The following KCNQ1 variants were observed in gnomAD, a reference collection of about 807,000 sequenced individuals.
The protein encoded by KCNQ1 is potassium voltage-gated channel subfamily Q member 1, also known as potassium voltage-gated channel subfamily KQT member 1.
Under a neutral mutation model 72.4 loss-of-function variants are expected in KCNQ1, and 49 were observed. The ratio of observed to expected loss-of-function variants is 0.68; its 90% CI spans 0.54 to 0.86. The LOEUF (loss-of-function observed/expected upper bound fraction) is 0.86, where lower values mean the gene tolerates loss of function less well. Among genes scored for constraint, KCNQ1 ranks in the 40% least tolerant of loss-of-function variants. The pLI is 0.00. For synonymous variants in KCNQ1, 450 were observed against 412.6 expected, an observed-to-expected ratio of 1.09 and a Z score of -1.10; for missense variants, 790 against 945.1, an observed-to-expected ratio of 0.84 and a Z score of 2.15.
chr11:2,605,165 G>C (rs1848862058), intron 10 of KCNQ1, among the ~76,000 whole-genome samples: 1 of 151,984 alleles, frequency 6.6e-6, no homozygotes, highest in African/African-American at 2.4e-5. Context: ...TGAGTTGAAG[G>C]AGTTATTTAT....
intron 1 of KCNQ1, among the ~76,000 whole-genome samples, chr11:2,502,769 A>C (rs1331346054): frequency 6.6e-6 from 1 of 152,234 alleles, no homozygotes. Context: ...GGAGCACATT[A>C]CCTGAGTTCA....
chr11:2,692,915 T>C (rs1189292899), intron 11 of KCNQ1: 8 of 398,580 alleles, frequency 2.0e-5, no homozygotes, highest in Middle Eastern at 6.2e-4. Flanking sequence ...AACTGTAGCA[T>C]GGCCTATGTC....
intron 1 of KCNQ1, among the ~76,000 whole-genome samples, chr11:2,513,107 G>A (rs1021486857): frequency 1.3e-5 from 2 of 152,060 alleles, no homozygotes; most frequent in South Asian, 2.1e-4. Flanking sequence ...GCTGTGCTGC[G>A]CTCTGGGCCA....
rs1183715816 is a variant in KCNQ1, at chr11:2,815,770, C to A, written c.1795-31997C>A. Among the ~76,000 whole-genome samples the A allele has an allele frequency of 6.6e-6, 1 of 152,062 alleles. No homozygotes were observed. Among genetic ancestry groups the A allele is most frequent in the African/African-American group, 2.4e-5 (1 of 41,402 alleles). On this transcript the variant is annotated intron_variant, in intron 15 of 15. Coordinates refer to ENST00000155840, the MANE Select transcript of KCNQ1 (RefSeq NM_000218.3). The surrounding 1 kb of genome is among the most constrained non-coding windows in gnomAD (Gnocchi z 5.4). ...GAGTAGGATGGGGGCCCTGGAGGTA[C>A]TGGGTGGAGCTGCCCCCAGCCCTTC...
In KCNQ1 at chr11:2,478,318, C is replaced by G. The variant is rs1846602236; in HGVS notation, c.386+32834C>G. 6.6e-6 allele frequency among the ~76,000 whole-genome samples: 1 copy of G among 152,154 alleles called. No homozygotes were observed. Among genetic ancestry groups the G allele is most frequent in the East Asian group, 1.9e-4 (1 of 5,194 alleles). On this transcript the variant is annotated intron_variant, in intron 1 of 15. Transcript: ENST00000155840. This position sits in a 1 kb window ranked among gnomAD's most constrained non-coding sequence, Gnocchi z 4.0. ...GCCTAAGTGGGAGTCTATGATTCCA[C>G]TATGTTATGTATTAGTCCATTTTCA...
chr11:2,788,079 T>A (rs1274719382), intron 15 of KCNQ1, among the ~76,000 whole-genome samples: 4 of 152,052 alleles, frequency 2.6e-5, no homozygotes, highest in Non-Finnish European at 4.4e-5. Context: ...TAGAATGTGG[T>A]GAATGTGGAT....
chr11:2,448,632 G>A (rs1408046534), intron 1 of KCNQ1, among the ~76,000 whole-genome samples: 2 of 152,230 alleles, frequency 1.3e-5, no homozygotes, highest in African/African-American at 4.8e-5. Context: ...GCACAGAGGA[G>A]GACGGGGCTC....
At chr11:2,756,458 A>C (rs938293624) in intron 11 of KCNQ1, among the ~76,000 whole-genome samples, 1 of 146,210 alleles carries the variant, frequency 6.8e-6, no homozygotes, top group Middle Eastern at 3.3e-3. Flanking sequence ...AAAAAAAAAA[A>C]CATGACTTTT....
rs1208047387 is a variant in KCNQ1 at position 2,612,739 on chromosome 11, A to G, written c.1393+23885A>G. The G allele has an allele frequency of 2.5e-6, 1 of 398,554 alleles. No homozygotes were observed. Among genetic ancestry groups the G allele is most frequent in the African/African-American group, 2.1e-5 (1 of 48,732 alleles). The allele number at this position is 398,554 out of a possible 1,614,324, so 24.7% of individuals were successfully genotyped here. ...CCCTAACATTTGGGGCCCTTCAGAG[A>G]TAATTCCTATTTATTGCTCATTATT... On this transcript the variant is annotated intron_variant, in intron 10 of 15. Coordinates refer to ENST00000155840, the MANE Select transcript of KCNQ1 (RefSeq NM_000218.3). This position sits in a 1 kb window ranked among gnomAD's most constrained non-coding sequence, Gnocchi z 5.5.
intron 13 of KCNQ1, among the ~76,000 whole-genome samples, chr11:2,776,501 C>G (rs983659254): frequency 2.0e-5 from 3 of 152,208 alleles, no homozygotes; most frequent in Admixed American, 6.5e-5. Context: ...GGGTCTCCCC[C>G]AGACTGGCCT....
In KCNQ1 at chr11:2,533,643, C is replaced by T. The variant is rs144606255; in HGVS notation, c.477+5625C>T. On this transcript the variant is annotated intron_variant, in intron 2 of 15. Coordinates refer to ENST00000155840, the MANE Select transcript of KCNQ1 (RefSeq NM_000218.3). ...TGTGTGTGTGCACACGTGTGTCTGA[C>T]GTGTGTGTGCTTTGCGTGTTCTTGC... 6.6e-3 allele frequency among the ~76,000 whole-genome samples: 1,003 copies of T among 152,346 alleles called. 15 individuals carry two copies. Among genetic ancestry groups the T allele is most frequent in the African/African-American group, 0.023 (958 of 41,574 alleles).
intron 2 of KCNQ1, among the ~76,000 whole-genome samples, chr11:2,556,718 C>T (rs551652179): frequency 7.9e-5 from 12 of 152,290 alleles, no homozygotes; most frequent in East Asian, 3.9e-4. Context: ...TGCAGTCACA[C>T]GCAAATTCTT....
At chr11:2,686,808 C>T (rs979791645) in intron 11 of KCNQ1, 1 of 398,702 alleles carries the variant, frequency 2.5e-6, no homozygotes, top group Non-Finnish European at 4.4e-6. Context: ...CCCTGCTCAC[C>T]CCTAAAGAGC....
In KCNQ1 at chr11:2,541,255, C is replaced by A. The variant is rs1847818329; in HGVS notation, c.477+13237C>A. On this transcript the variant is annotated intron_variant, in intron 2 of 15. Coordinates refer to ENST00000155840, the MANE Select transcript of KCNQ1 (RefSeq NM_000218.3). This position sits in a 1 kb window ranked among gnomAD's most constrained non-coding sequence, Gnocchi z 4.8. ...GTGTGCCGAGAGGCGCAGGCCAGCC[C>A]CTTTTCCTGGCGGGGTGATGATCTG... is the stretch of plus-strand genomic sequence containing the variant. Among the ~76,000 whole-genome samples the A allele has an allele frequency of 1.3e-5, 2 of 152,250 alleles. No homozygotes were observed. Among genetic ancestry groups the A allele is most frequent in the South Asian group, 2.1e-4 (1 of 4,828 alleles).
In KCNQ1 at chr11:2,507,357, G is replaced by A. The variant is rs1238323678; in HGVS notation, c.387-20571G>A. Among the ~76,000 whole-genome samples, 2 of 152,188 alleles carry A rather than the reference G, an allele frequency of 1.3e-5. No homozygotes were observed. Among genetic ancestry groups the A allele is most frequent in the Non-Finnish European group, 2.9e-5 (2 of 68,034 alleles). On this transcript the variant is annotated intron_variant, in intron 1 of 15. Transcript: ENST00000155840. The surrounding 1 kb of genome is among the most constrained non-coding windows in gnomAD (Gnocchi z 5.4). ...CATGGAGTGTGGGGTCATCGGGCAG[G>A]ACACGAGATGCGCAGGAGGCTGTGA... is the stretch of plus-strand genomic sequence containing the variant.
At position 2,678,496 on chromosome 11, in the gene KCNQ1, C is replaced by G. The variant is rs1850331786; in HGVS notation, c.1514+16415C>G. 1 of 398,434 alleles carries G rather than the reference C, an allele frequency of 2.5e-6. No homozygotes were observed. The highest frequency in any genetic ancestry group is 1.3e-4 in the South Asian group (1 of 7,858). The allele number at this position is 398,434 out of a possible 1,614,324, so 24.7% of individuals were successfully genotyped here. ...TTTCAAACTCTCATTTAATTTGTGT[C>G]CATTTCTAGACTCTATTCTGGACTG... On this transcript the variant is annotated intron_variant, in intron 11 of 15. Coordinates refer to ENST00000155840, the MANE Select transcript of KCNQ1 (RefSeq NM_000218.3). The surrounding 1 kb of genome is among the most constrained non-coding windows in gnomAD (Gnocchi z 4.9).
chr11:2,499,961 A>G (rs1458813118), intron 1 of KCNQ1, among the ~76,000 whole-genome samples: 1 of 152,242 alleles, frequency 6.6e-6, no homozygotes, highest in African/African-American at 2.4e-5. Context: ...TTGAAATACT[A>G]TCAAGCATCT....
At chr11:2,586,964 TC>T (rs1331992842) in intron 8 of KCNQ1, among the ~76,000 whole-genome samples, 1 of 151,940 alleles carries the variant, frequency 6.6e-6, no homozygotes, top group Non-Finnish European at 1.5e-5. Context: ...CTCCCACCCT[TC>T]CCTTGTGGTG....
In KCNQ1 at chr11:2,677,248, A is replaced by G; in HGVS notation, c.1514+15167A>G. The G allele has an allele frequency of 2.5e-6, 1 of 397,368 alleles. No homozygotes were observed. 24.6% of individuals were successfully genotyped at this position (397,368 alleles called of 1,614,324 possible). ...AGACAATATAAAGCACACACAAAGT[A>G]AAGAGGAACTTATAAAGAGGAACTG... On this transcript the variant is annotated intron_variant, in intron 11 of 15. Transcript: ENST00000155840. This position sits in a 1 kb window ranked among gnomAD's most constrained non-coding sequence, Gnocchi z 4.5.
Sources: allele counts gnomAD v4.1 joint callset (sites outside exome capture counted in the v4.1 genomes callset), GRCh38; gene constraint gnomAD v4.1.1; non-coding constraint Gnocchi (gnomAD v3.1); transcripts MANE v1.5; gene names NCBI Gene and HGNC (gene_info 2026-07-23, HGNC 2026-07-21).